Variants in MAGI3 observed in about 807,000 individuals in gnomAD.
MAGI3 encodes membrane-associated guanylate kinase, WW and PDZ domain-containing protein 3.
Under a neutral mutation model 121.8 loss-of-function variants are expected in MAGI3, and 43 were observed. The observed-to-expected ratio is 0.35, with a 90% CI of 0.28 to 0.46. The LOEUF (loss-of-function observed/expected upper bound fraction) is 0.46, where lower values mean the gene tolerates loss of function less well. Among genes scored for constraint, MAGI3 ranks in the 20% least tolerant of loss-of-function variants. The pLI is 1.00. For synonymous variants in MAGI3, 553 were observed against 639.3 expected (o/e 0.86, Z 2.04); for missense variants, 1,547 against 1,797.3 (o/e 0.86, Z 2.52).
At chr1:113,450,107 G>A (rs769294508) in intron 1 of MAGI3, 22 of 1,453,582 alleles carry the variant, frequency 1.5e-5, no homozygotes, top group South Asian at 2.3e-5. Context: ...TAGAAGTTAC[G>A]GAAGACAGGC....
At position 113,487,419 on chromosome 1, in the gene MAGI3, T is replaced by C. The variant is rs116355322; in HGVS notation, c.317-62096T>C. 7.3e-3 allele frequency among the ~76,000 whole-genome samples: 1,107 copies of C among 152,312 alleles called. 17 individuals carry two copies. Among genetic ancestry groups the C allele is most frequent in the African/African-American group, 0.025 (1,052 of 41,548 alleles). On this transcript the variant is annotated intron_variant, in intron 1 of 20. Coordinates refer to ENST00000307546, the MANE Select transcript of MAGI3 (RefSeq NM_001142782.2). ...AACTGGAATTAATTGTATTAACCCA[T>C]TTATGCCAGAAGTTGCAAATTTTTT...
At chr1:113,676,753 T>G (rs1243579135) in intron 19 of MAGI3, among the ~76,000 whole-genome samples, 1 of 152,146 alleles carries the variant, frequency 6.6e-6, no homozygotes, top group East Asian at 1.9e-4. Context: ...TGCCCCTCTC[T>G]GCCTCCCCCG....
chr1:113,425,808 A>G (rs2101400838), intron 1 of MAGI3, among the ~76,000 whole-genome samples: 1 of 152,184 alleles, frequency 6.6e-6, no homozygotes, highest in South Asian at 2.1e-4. Context: ...TTTTGTCTCT[A>G]TTTAGTCTTC....
intron 1 of MAGI3, among the ~76,000 whole-genome samples, chr1:113,481,198 T>C (rs1656096349): frequency 6.6e-6 from 1 of 152,212 alleles, no homozygotes; most frequent in South Asian, 2.1e-4. Context: ...GCATATTGCT[T>C]TTCTAGAATT....
At chr1:113,585,096 T>G (rs1299158656) in intron 3 of MAGI3, among the ~76,000 whole-genome samples, 1 of 150,648 alleles carries the variant, frequency 6.6e-6, no homozygotes, top group African/African-American at 2.4e-5. Flanking sequence ...GTCTCCCGAG[T>G]AACTGGGATT....
intron 1 of MAGI3, chr1:113,449,930 G>A (rs188621301): frequency 2.4e-4 from 363 of 1,519,778 alleles, no homozygotes; most frequent in Admixed American, 4.8e-4. Flanking sequence ...GACCACACAA[G>A]GTTGATGGGC....
At position 113,413,012 on chromosome 1, in the gene MAGI3, C is replaced by T. The variant is rs573074914; in HGVS notation, c.316+21663C>T. Among the ~76,000 whole-genome samples the T allele has an allele frequency of 2.2e-4, 34 of 151,932 alleles. No homozygotes were observed. In the South Asian group the frequency reaches 2.9e-3, roughly 13 times the overall value. ...CTTCTAGGGTTTTTATGGTTTTAGGCCTAACATTTAAGTCTTTAATCCATC... is the reference window on the plus strand; with the variant it reads ...CTTCTAGGGTTTTTATGGTTTTAGGTCTAACATTTAAGTCTTTAATCCATC... On this transcript the variant is annotated intron_variant, in intron 1 of 20. Coordinates refer to ENST00000307546, the MANE Select transcript of MAGI3 (RefSeq NM_001142782.2).
At chr1:113,550,114 TAA>T (rs746718813) in intron 2 of MAGI3, among the ~76,000 whole-genome samples, 14 of 70,152 alleles carry the variant, frequency 2.0e-4, no homozygotes, top group Admixed American at 3.2e-4. Context: ...ATACTCTGTC[TAA>T]AAAAAAAAAA....
At chr1:113,647,177 T>C (rs1043481586) in intron 12 of MAGI3, among the ~76,000 whole-genome samples, 3 of 152,216 alleles carry the variant, frequency 2.0e-5, no homozygotes, top group East Asian at 1.9e-4. Flanking sequence ...GAATAGCACA[T>C]GCACACTGGC....
chr1:113,597,653 C>T (rs945708198), intron 6 of MAGI3, among the ~76,000 whole-genome samples: 5 of 152,190 alleles, frequency 3.3e-5, no homozygotes, highest in African/African-American at 1.2e-4. Context: ...GACTAAAGTA[C>T]ACTGACGCTC....
chr1:113,579,659 C>A (rs1216712701), intron 2 of MAGI3, among the ~76,000 whole-genome samples: 2 of 152,002 alleles, frequency 1.3e-5, no homozygotes, highest in East Asian at 3.9e-4. Flanking sequence ...GGGGTACCAA[C>A]AATAAAGGTC....
At chr1:113,631,844 C>A (rs914972560) in intron 9 of MAGI3, among the ~76,000 whole-genome samples, 1 of 152,078 alleles carries the variant, frequency 6.6e-6, no homozygotes, top group African/African-American at 2.4e-5. Context: ...TTTCCTAAAG[C>A]CTTTACTTGG....
intron 1 of MAGI3, among the ~76,000 whole-genome samples, chr1:113,394,177 T>C (rs1262839161): frequency 6.6e-6 from 1 of 152,020 alleles, no homozygotes; most frequent in African/African-American, 2.4e-5. Context: ...TTAGCTTTGA[T>C]TTTTTTTCCC....
At chr1:113,668,271 G>T (rs1050942717) in intron 16 of MAGI3, among the ~76,000 whole-genome samples, 1 of 152,032 alleles carries the variant, frequency 6.6e-6, no homozygotes, top group African/African-American at 2.4e-5. Flanking sequence ...CTAAAATAAG[G>T]CATACCTATA....
At chr1:113,626,433 G>T (rs1651245697) in intron 9 of MAGI3, among the ~76,000 whole-genome samples, 2 of 151,680 alleles carry the variant, frequency 1.3e-5, no homozygotes, top group African/African-American at 4.8e-5. Flanking sequence ...TCTTTTTTTT[G>T]ATATGTCTTT....
intron 7 of MAGI3, among the ~76,000 whole-genome samples, chr1:113,616,205 T>C (rs1298710614): frequency 6.6e-6 from 1 of 152,178 alleles, no homozygotes; most frequent in African/African-American, 2.4e-5. Context: ...GGGAGGTACA[T>C]GAAATAGCCT....
chr1:113,506,155 C>T (rs1011457241), intron 1 of MAGI3, among the ~76,000 whole-genome samples: 2 of 152,066 alleles, frequency 1.3e-5, no homozygotes, highest in African/African-American at 4.8e-5. Context: ...TGTCAGATTT[C>T]AGATACATTT....
chr1:113,580,884 C>T (rs1647980778), intron 3 of MAGI3: 1 of 309,154 alleles, frequency 3.2e-6, no homozygotes, highest in South Asian at 6.8e-5. Flanking sequence ...TGATTGTGAA[C>T]AGTATACTAA....
At chr1:113,554,985 T>A (rs1036347985) in intron 2 of MAGI3, among the ~76,000 whole-genome samples, 2 of 151,658 alleles carry the variant, frequency 1.3e-5, no homozygotes, top group Admixed American at 6.6e-5. Flanking sequence ...AAAATAAAAA[T>A]TTTTGAAAAA....
Sources: allele counts gnomAD v4.1 joint callset (sites outside exome capture counted in the v4.1 genomes callset), GRCh38; gene constraint gnomAD v4.1.1; transcripts MANE v1.5; gene names NCBI Gene and HGNC (gene_info 2026-07-23, HGNC 2026-07-21).